The following DCBLD2 variants were observed in gnomAD, a reference collection of about 807,000 sequenced individuals.
DCBLD2 encodes the protein discoidin, CUB and LCCL domain containing 2, also known as discoidin, CUB and LCCL domain-containing protein 2.
DCBLD2 carries 54 observed loss-of-function variants against 86.8 expected under a neutral mutation model. The observed-to-expected ratio is 0.62, with a 90% confidence interval of 0.50 to 0.78. The LOEUF is 0.78. DCBLD2 is among the 30% of genes least tolerant of loss of function. The probability of loss-of-function intolerance (pLI) is 0.00; values close to 1 mark genes in which losing one functional copy is unlikely to be tolerated. For missense variants in DCBLD2, 908 were observed against 954.2 expected, an observed-to-expected ratio of 0.95 and a Z score of 0.64; for synonymous variants, 354 against 341.3, an observed-to-expected ratio of 1.04 and a Z score of -0.41.
At chr3:98,846,254 T>C (rs1485389209) in intron 3 of DCBLD2, among the ~76,000 whole-genome samples, 1 of 152,210 alleles carries the variant, frequency 6.6e-6, no homozygotes, top group African/African-American at 2.4e-5. Context: ...AAGTAGCTGA[T>C]GAAGCAATAT....
chr3:98,817,662 A>G (rs1003798282), intron 9 of DCBLD2, 107 bp downstream of exon 9: 2 of 1,097,874 alleles, frequency 1.8e-6, no homozygotes, highest in African/African-American at 1.6e-5. Context: ...AGAGGGTAGT[A>G]TAAGACATTC....
At chr3:98,874,766 T>A (rs1263359845) in intron 2 of DCBLD2, among the ~76,000 whole-genome samples, 1 of 152,152 alleles carries the variant, frequency 6.6e-6, no homozygotes, top group Non-Finnish European at 1.5e-5. Flanking sequence ...GAACCTGCTG[T>A]TTCTCTCTCC....
In DCBLD2 at chr3:98,825,295, A is replaced by T; in HGVS notation, c.623+20T>A. On this transcript the variant is annotated intron_variant, in intron 4 of 15. Transcript: ENST00000326840. ...ACATTTAAGCAAAAAAAAAAAAAAA[A>T]GTCACAAATATAATCATACCTGAAC... is the stretch of plus-strand genomic sequence containing the variant. 1 of 1,454,878 alleles carries T rather than the reference A, an allele frequency of 6.9e-7. No individual in the cohort carries two copies. Among genetic ancestry groups the T allele is most frequent in the Non-Finnish European group, 9.1e-7 (1 of 1,097,984 alleles). The allele number at this position is 1,454,878 out of a possible 1,614,324, so 90.1% of individuals were successfully genotyped here.
At position 98,799,852 on chromosome 3, in the gene DCBLD2, C is replaced by G; in HGVS notation, c.1859-11G>C. 6.3e-7 allele frequency: 1 copy of G among 1,576,190 alleles called. No homozygotes were observed. The highest frequency in any genetic ancestry group is 8.6e-7 in the Non-Finnish European group (1 of 1,160,084). ...GTGGCTGAGCATACTCTGTGGATATCACAAAACAACAGAAAAGTCATTTTA... is the reference window on the plus strand; with the variant it reads ...GTGGCTGAGCATACTCTGTGGATATGACAAAACAACAGAAAAGTCATTTTA... On this transcript the variant is annotated splice_polypyrimidine_tract_variant and intron_variant, in intron 15 of 15. Coordinates refer to ENST00000326840, the MANE Select transcript of DCBLD2 (RefSeq NM_080927.4).
rs1391562247 is a variant in DCBLD2, at chr3:98,881,700, C to T, written c.273G>A (p.Gln91=). ...SGTLTSINYP[Q]TYPNSTVCEW... is the part of the protein sequence containing the mutation. ...CACAAACAGTGCTGTTGGGATAGGT[C>T]TGTGGGTAGTTTATGGATGTAAGGG... is the stretch of plus-strand genomic sequence containing the variant. Residue 91 remains glutamine (Q), a synonymous_variant, in exon 2 of 16, where the codon CAG becomes CAA. Coordinates refer to ENST00000326840, the MANE Select transcript of DCBLD2 (RefSeq NM_080927.4). 5 of 1,613,858 alleles carry T rather than the reference C, an allele frequency of 3.1e-6. No individual in the cohort carries two copies. Among genetic ancestry groups the T allele is most frequent in the Non-Finnish European group, 4.2e-6 (5 of 1,179,872 alleles).
chr3:98,849,276 T>G (rs943929207), intron 3 of DCBLD2, 185 bp downstream of exon 3: 3 of 666,480 alleles, frequency 4.5e-6, no homozygotes, highest in Non-Finnish European at 7.6e-6. Context: ...GTAACGTTTA[T>G]GTACTTTTAT....
chr3:98,900,475 G>GAA (rs973985356), intron 1 of DCBLD2, among the ~76,000 whole-genome samples: 8 of 145,864 alleles, frequency 5.5e-5, no homozygotes, highest in African/African-American at 2.0e-4. Context: ...ATTGTAGGTG[G>GAA]AAAAAAAAAA....
chr3:98,839,179 T>TCTTCCTTCCTTCCTTCCTTC (rs1220136123), intron 3 of DCBLD2, among the ~76,000 whole-genome samples: 1 of 113,158 alleles, frequency 8.8e-6, no homozygotes, highest in Admixed American at 8.7e-5. Flanking sequence ...TTCCTTTCTT[T>TCTTCCTTCCTTCCTTCCTTC]CTTCCTTCCT....
intron 1 of DCBLD2, among the ~76,000 whole-genome samples, chr3:98,887,870 G>A (rs1943589503): frequency 6.6e-6 from 1 of 151,770 alleles, no homozygotes; most frequent in African/African-American, 2.4e-5. Flanking sequence ...TCATATTAGG[G>A]TTCACTCCTG....
rs536465300 is a variant in DCBLD2 at position 98,803,523 on chromosome 3, G to A, written c.1671-1874C>T. Among the ~76,000 whole-genome samples the A allele has an allele frequency of 1.2e-4, 18 of 152,228 alleles. 1 individual carries two copies. The highest frequency in any genetic ancestry group is 4.3e-4 in the African/African-American group (18 of 41,528). The stretch of plus-strand genomic sequence containing the variant: ...AATTTGACTTCCTCTTTTCCTAATT[G>A]AATACCCTTTATTTCTTTCTCTTGC... On this transcript the variant is annotated intron_variant, in intron 13 of 15. Transcript: ENST00000326840.
chr3:98,890,632 T>C (rs998675784), intron 1 of DCBLD2, among the ~76,000 whole-genome samples: 2 of 152,090 alleles, frequency 1.3e-5, no homozygotes, highest in Middle Eastern at 3.2e-3. Flanking sequence ...CTACAGCATC[T>C]GGCATTGCTG....
intron 2 of DCBLD2, among the ~76,000 whole-genome samples, chr3:98,870,153 T>C (rs1005699382): frequency 6.6e-6 from 1 of 152,166 alleles, no homozygotes; most frequent in Non-Finnish European, 1.5e-5. Context: ...CATTCTTCTG[T>C]GTATGGCTAT....
chr3:98,863,285 T>C (rs954259985), intron 2 of DCBLD2, among the ~76,000 whole-genome samples: 1 of 152,216 alleles, frequency 6.6e-6, no homozygotes, highest in Non-Finnish European at 1.5e-5. Flanking sequence ...ATGGCCATAC[T>C]GCCCAAGGTA....
Position 98,886,178 on chromosome 3 carries a change from A to T in DCBLD2, c.206-4411T>A, listed in dbSNP as rs147071327. 5.8e-3 allele frequency among the ~76,000 whole-genome samples: 877 copies of T among 152,082 alleles called. 8 individuals carry two copies. The highest frequency in any genetic ancestry group is 0.019 in the African/African-American group (795 of 41,508). On this transcript the variant is annotated intron_variant, in intron 1 of 15. Transcript: ENST00000326840. ...TTTATGTTCCGACTTTCCAATTTTT[A>T]AAAAAAGTAAAAGGAATGTTTTATT...
At chr3:98,866,550 T>G (rs898399430) in intron 2 of DCBLD2, among the ~76,000 whole-genome samples, 1 of 152,210 alleles carries the variant, frequency 6.6e-6, no homozygotes, top group Non-Finnish European at 1.5e-5. Context: ...CACTTGTTGA[T>G]GGGGTTGTTT....
At chr3:98,878,016 G>A (rs969426042) in intron 2 of DCBLD2, among the ~76,000 whole-genome samples, 26 of 151,512 alleles carry the variant, frequency 1.7e-4, no homozygotes, top group African/African-American at 5.8e-4. Flanking sequence ...CCTGTTTTTA[G>A]TATGAAAAAA....
chr3:98,862,873 C>A (rs1319204478), intron 2 of DCBLD2, among the ~76,000 whole-genome samples: 1 of 152,084 alleles, frequency 6.6e-6, no homozygotes, highest in African/African-American at 2.4e-5. Flanking sequence ...CTGGCCAGGG[C>A]AATCAGGCAG....
intron 2 of DCBLD2, among the ~76,000 whole-genome samples, chr3:98,862,873 C>T (rs1319204478): frequency 6.6e-6 from 1 of 152,084 alleles, no homozygotes; most frequent in East Asian, 1.9e-4. Context: ...CTGGCCAGGG[C>T]AATCAGGCAG....
intron 2 of DCBLD2, among the ~76,000 whole-genome samples, chr3:98,863,694 C>A (rs555267464): frequency 1.2e-4 from 19 of 152,308 alleles, no homozygotes; most frequent in Middle Eastern, 3.4e-3. Flanking sequence ...CTTCCTTACA[C>A]CTTATACAAA....
Sources: gnomAD v4.1 joint callset for allele counts (sites outside exome capture counted in the v4.1 genomes callset) on GRCh38, gnomAD v4.1.1 for gene constraint, MANE v1.5 for transcripts, NCBI Gene and HGNC (gene_info 2026-07-23, HGNC 2026-07-21) for gene names.